CNTNAP2: variants seen among roughly 807,000 people sequenced by gnomAD.
CNTNAP2 encodes contactin-associated protein-like 2.
In CNTNAP2, 98 loss-of-function variants were observed where a neutral mutation model predicts 155.2. That is an observed-to-expected ratio of 0.63 (90% CI 0.54 to 0.75). The LOEUF (loss-of-function observed/expected upper bound fraction) is 0.75, where lower values mean the gene tolerates loss of function less well. CNTNAP2 is among the 30% of genes least tolerant of loss of function. CNTNAP2 has a pLI of 0.00. For synonymous variants in CNTNAP2, 651 were observed against 631.2 expected, an observed-to-expected ratio of 1.03 and a Z score of -0.47; for missense variants, 1,727 against 1,688.1, an observed-to-expected ratio of 1.02 and a Z score of -0.40.
At chr7:146,401,737 C>G (rs1639489) in intron 1 of CNTNAP2, among the ~76,000 whole-genome samples, 1 of 152,002 alleles carries the variant, frequency 6.6e-6, no homozygotes, top group African/African-American at 2.4e-5. Context: ...TTGCAAGATG[C>G]GTTCTCTCCT....
intron 21 of CNTNAP2, among the ~76,000 whole-genome samples, chr7:148,284,275 TC>T (rs1462144530): frequency 6.6e-6 from 1 of 152,086 alleles, no homozygotes; most frequent in Non-Finnish European, 1.5e-5. Flanking sequence ...TGGGGGGGTT[TC>T]CCCCATACTG....
intron 1 of CNTNAP2, among the ~76,000 whole-genome samples, chr7:146,261,137 A>C (rs935592384): frequency 6.6e-6 from 1 of 152,140 alleles, no homozygotes; most frequent in Non-Finnish European, 1.5e-5. Context: ...GCCTTCTGCC[A>C]TGATTGTAAG....
At chr7:146,749,046 A>C (rs1801859358) in intron 1 of CNTNAP2, among the ~76,000 whole-genome samples, 1 of 152,172 alleles carries the variant, frequency 6.6e-6, no homozygotes, top group African/African-American at 2.4e-5. Flanking sequence ...AGGTATTATG[A>C]AAGTTTTCCT....
At chr7:146,853,884 T>A (rs1366180241) in intron 3 of CNTNAP2, among the ~76,000 whole-genome samples, 1 of 152,194 alleles carries the variant, frequency 6.6e-6, no homozygotes, top group Non-Finnish European at 1.5e-5. Context: ...TAATTAGGTT[T>A]ACAATTTATA....
At chr7:146,555,496 G>GTCTATCTA (rs200118562) in intron 1 of CNTNAP2, among the ~76,000 whole-genome samples, 145 of 52,394 alleles carry the variant, frequency 2.8e-3, no homozygotes, top group East Asian at 6.8e-3. Context: ...TCATCTGTCT[G>GTCTATCTA]TCTATCTATC....
intron 1 of CNTNAP2, among the ~76,000 whole-genome samples, chr7:146,523,136 C>G (rs536394164): frequency 2.0e-5 from 3 of 152,118 alleles, no homozygotes; most frequent in Non-Finnish European, 4.4e-5. Flanking sequence ...TCCTTTATCC[C>G]TTGCTCCCTT....
At chr7:146,305,648 G>A (rs778645955) in intron 1 of CNTNAP2, among the ~76,000 whole-genome samples, 9 of 151,918 alleles carry the variant, frequency 5.9e-5, no homozygotes, top group Admixed American at 1.3e-4. Context: ...GGCACCCTAC[G>A]AGGTCCATAA....
At chr7:146,582,146 C>T (rs931503499) in intron 1 of CNTNAP2, among the ~76,000 whole-genome samples, 3 of 152,134 alleles carry the variant, frequency 2.0e-5, no homozygotes, top group Non-Finnish European at 4.4e-5. Flanking sequence ...TCTACCATCA[C>T]AGAAAAAGTC....
intron 11 of CNTNAP2, among the ~76,000 whole-genome samples, chr7:147,537,833 G>A (rs555152992): frequency 6.6e-6 from 1 of 152,290 alleles, no homozygotes; most frequent in African/African-American, 2.4e-5. Flanking sequence ...ATGGATCTAT[G>A]TAAAATGTGC....
At chr7:146,538,842 T>G (rs1348224531) in intron 1 of CNTNAP2, among the ~76,000 whole-genome samples, 1 of 151,896 alleles carries the variant, frequency 6.6e-6, no homozygotes, top group Admixed American at 6.6e-5. Context: ...ATTTTAAACA[T>G]TATCATAAAA....
At chr7:146,682,002 G>T (rs1463720466) in intron 1 of CNTNAP2, among the ~76,000 whole-genome samples, 1 of 74,524 alleles carries the variant, frequency 1.3e-5, no homozygotes, top group Admixed American at 9.3e-5. Flanking sequence ...CAGGTCAGAC[G>T]CACAGAAACA....
At chr7:146,970,378 A>G (rs942204932) in intron 3 of CNTNAP2, among the ~76,000 whole-genome samples, 6 of 151,944 alleles carry the variant, frequency 3.9e-5, no homozygotes, top group African/African-American at 1.5e-4. Flanking sequence ...AAAACAAACA[A>G]CCCCATCAAA....
chr7:147,251,630 G>C (rs1185900976), intron 8 of CNTNAP2, among the ~76,000 whole-genome samples: 5 of 152,136 alleles, frequency 3.3e-5, no homozygotes, highest in African/African-American at 1.2e-4. Context: ...TGACATTATG[G>C]AAAGACACAA....
chr7:146,494,694 G>A (rs560369738), intron 1 of CNTNAP2, among the ~76,000 whole-genome samples: 1 of 152,190 alleles, frequency 6.6e-6, no homozygotes, highest in South Asian at 2.1e-4. Flanking sequence ...CTGAGTGGGG[G>A]TCTTAAAGGA....
chr7:146,411,007 T>G (rs2129111035), intron 1 of CNTNAP2, among the ~76,000 whole-genome samples: 1 of 152,284 alleles, frequency 6.6e-6, no homozygotes, highest in Middle Eastern at 3.4e-3. Context: ...TCTCCATTCA[T>G]CTGCTGAAAG....
intron 8 of CNTNAP2, among the ~76,000 whole-genome samples, chr7:147,261,435 C>A (rs958993847): frequency 2.6e-5 from 4 of 152,110 alleles, no homozygotes; most frequent in Non-Finnish European, 5.9e-5. Flanking sequence ...TAGGTTGTTG[C>A]ATTTCTAAAT....
intron 20 of CNTNAP2, among the ~76,000 whole-genome samples, chr7:148,234,546 G>A (rs1252417390): frequency 6.6e-6 from 1 of 152,178 alleles, no homozygotes; most frequent in Non-Finnish European, 1.5e-5. Flanking sequence ...AAAAGTCAGA[G>A]TCAATGCCCT....
At chr7:146,225,959 T>C (rs980170036) in intron 1 of CNTNAP2, among the ~76,000 whole-genome samples, 2 of 152,226 alleles carry the variant, frequency 1.3e-5, no homozygotes, top group Non-Finnish European at 2.9e-5. Flanking sequence ...TCATTTCTGC[T>C]TGTTCTGAAA....
chr7:147,044,470 G>A (rs1386952952), intron 4 of CNTNAP2, among the ~76,000 whole-genome samples: 1 of 151,962 alleles, frequency 6.6e-6, no homozygotes, highest in African/African-American at 2.4e-5. Context: ...ACTTCCTTCG[G>A]GTTCACTAAG....
Sources: gnomAD v4.1 joint callset for allele counts (sites outside exome capture counted in the v4.1 genomes callset) on GRCh38, gnomAD v4.1.1 for gene constraint, MANE v1.5 for transcripts, NCBI Gene and HGNC (gene_info 2026-07-23, HGNC 2026-07-21) for gene names.